The following TRPV1 variants were observed in gnomAD, a reference collection of about 807,000 sequenced individuals.
TRPV1 encodes the protein OTRPC1.
TRPV1 carries 82 observed loss-of-function variants against 82.3 expected under a neutral mutation model. That is an observed-to-expected ratio of 1.00 (90% CI 0.83 to 1.20). The LOEUF (loss-of-function observed/expected upper bound fraction) is 1.20, where lower values mean the gene tolerates loss of function less well. TRPV1 is among the 50% of genes most tolerant of loss of function. The pLI, the probability that TRPV1 is intolerant of heterozygous loss-of-function variation, is 0.00. For missense variants in TRPV1, 1,067 were observed against 1,096.8 expected (o/e 0.97, Z 0.38); for synonymous variants, 515 against 467.7 (o/e 1.10, Z -1.30).
chr17:3,570,720 G>A (rs1298461165), intron 16 of TRPV1, among the ~76,000 whole-genome samples: 3 of 151,900 alleles, frequency 2.0e-5, no homozygotes, highest in Non-Finnish European at 4.4e-5. Context: ...TTTTCTATTT[G>A]TTCTTTTTTT....
At chr17:3,578,476 C>G (rs2074963107) in intron 11 of TRPV1, 1 of 152,094 alleles carries the variant, frequency 6.6e-6, no homozygotes, top group African/African-American at 2.4e-5. Flanking sequence ...ACAGTGAAAC[C>G]CTGTCTCTAC....
intron 8 of TRPV1, 22 bp downstream of exon 8, chr17:3,588,166 T>A: frequency 6.5e-7 from 1 of 1,546,122 alleles, no homozygotes; most frequent in Non-Finnish European, 8.8e-7. Context: ...AGGCCCTCCC[T>A]GGCTGTGCCC....
At chr17:3,581,868 A>AG (rs2075018710) in intron 10 of TRPV1, among the ~76,000 whole-genome samples, 4 of 137,810 alleles carry the variant, frequency 2.9e-5, no homozygotes, top group African/African-American at 5.3e-5. Flanking sequence ...CTGGGCAACT[A>AG]AGCGAGACTC....
At chr17:3,582,157 T>C (rs224531) in intron 10 of TRPV1, among the ~76,000 whole-genome samples, 2,236 of 119,932 alleles carry the variant, frequency 0.019, 30 homozygotes, top group Middle Eastern at 0.033. Flanking sequence ...GCCACTGCAC[T>C]CCAGCCTGGG....
intron 13 of TRPV1, among the ~76,000 whole-genome samples, chr17:3,575,376 G>C (rs755772188): frequency 6.6e-6 from 1 of 152,028 alleles, no homozygotes; most frequent in South Asian, 2.1e-4. Flanking sequence ...CCAGCTACCT[G>C]GAAGGCTGAG....
intron 11 of TRPV1, among the ~76,000 whole-genome samples, chr17:3,580,219 A>G (rs2074988519): frequency 6.6e-6 from 1 of 152,192 alleles, no homozygotes; most frequent in African/African-American, 2.4e-5. Flanking sequence ...AAGGTGAACA[A>G]GGTCCGTCTC....
chr17:3,585,237 G>C (rs2075070328), intron 9 of TRPV1: 1 of 153,036 alleles, frequency 6.5e-6, no homozygotes, highest in South Asian at 2.0e-4. Flanking sequence ...CACAACCTCT[G>C]CCTCCAAGGT....
In TRPV1 at chr17:3,566,561, C is replaced by T. The variant is rs749900305; in HGVS notation, c.*254G>A. On this transcript the variant is annotated 3_prime_UTR_variant, in exon 17 of 17. Transcript: ENST00000572705. ...TCCCAGTAGAGACTGACCATCCAAA[C>T]TGTTTAGTAAAGTGAGTAAAAACCT... is the stretch of plus-strand genomic sequence containing the variant. 5.0e-6 allele frequency: 2 copies of T among 401,988 alleles called. No individual in the cohort carries two copies. Among genetic ancestry groups the T allele is most frequent in the Non-Finnish European group, 8.8e-6 (2 of 226,704 alleles). 24.9% of individuals were successfully genotyped at this position (401,988 alleles called of 1,614,324 possible).
chr17:3,583,576 G>A (rs989612137), intron 9 of TRPV1, 146 bp from the exon 10 acceptor site: 40 of 705,674 alleles, frequency 5.7e-5, no homozygotes, highest in South Asian at 4.1e-4. Flanking sequence ...GTTATTAGGG[G>A]AGCGCCCGCA....
At chr17:3,591,971 C>T in intron 3 of TRPV1, 96 bp downstream of exon 3, 1 of 1,486,298 alleles carries the variant, frequency 6.7e-7, no homozygotes, top group Admixed American at 2.3e-5. Flanking sequence ...AGCCCCCTGG[C>T]TTTGTGACAT....
intron 16 of TRPV1, among the ~76,000 whole-genome samples, chr17:3,567,796 A>C (rs2074789746): frequency 6.6e-6 from 1 of 151,866 alleles, no homozygotes; most frequent in Non-Finnish European, 1.5e-5. Flanking sequence ...AAAAGAAAAA[A>C]ATTATAAAGG....
chr17:3,573,864 G>A lies in TRPV1; in HGVS notation c.1872C>T (p.Pro624=), dbSNP rs199510793. ...HRWRGPACRP[P]DSSYNSLYST... Reference sequence around the variant, plus strand: ...AGTACAGGCTGTTGTAGGAGCTATCGGGGGGCCTGCAGGCAGGCCCCCGCC... The same window carrying A: ...AGTACAGGCTGTTGTAGGAGCTATCAGGGGGCCTGCAGGCAGGCCCCCGCC... The change falls in exon 14 of 17, where the codon CCC becomes CCT. Residue 624 remains proline, a synonymous_variant. Coordinates refer to ENST00000572705, the MANE Select transcript of TRPV1 (RefSeq NM_080704.4). 1.0e-4 allele frequency: 161 copies of A among 1,612,786 alleles called. No individual in the cohort carries two copies. The African/African-American group carries it at 1.5e-3, about 15-fold the overall frequency.
chr17:3,582,004 C>CA (rs1567664772), intron 10 of TRPV1, among the ~76,000 whole-genome samples: 17 of 145,412 alleles, frequency 1.2e-4, no homozygotes, highest in Non-Finnish European at 1.5e-5. Context: ...TCCTGGCTAA[C>CA]ACGGTGAAAC....
chr17:3,588,189 G>A lies in TRPV1; in HGVS notation c.1223C>T (p.Pro408Leu), dbSNP rs1328446165. 1.9e-6 allele frequency: 3 copies of A among 1,557,218 alleles called. No homozygotes were observed. Among genetic ancestry groups the A allele is most frequent in the Admixed American group, 1.9e-5 (1 of 51,698 alleles). ...EVIAYSSSET[P>L]NRHDMLLVEP... ...CCTGGCTGTGCCCCAGCCACTCACA[G>A]GGGTCTCGCTGCTGCTGTAGGCGAT... The change falls in exon 8 of 17, where the codon CCT becomes CTT. Residue 408 changes from proline to leucine, a missense_variant and splice_region_variant. Transcript: ENST00000572705.
intron 10 of TRPV1, among the ~76,000 whole-genome samples, chr17:3,581,516 T>A (rs224522): frequency 0.38 from 57,733 of 151,664 alleles, 13,667 homozygotes; most frequent in East Asian, 0.79. Flanking sequence ...GTTCAATGAC[T>A]GAACAATTCC....
At chr17:3,600,080 G>C (rs921154620) in intron 2 of TRPV1, among the ~76,000 whole-genome samples, 5 of 152,200 alleles carry the variant, frequency 3.3e-5, no homozygotes, top group African/African-American at 1.2e-4. Context: ...ATCTGGTCCT[G>C]TCCCTGCTTT....
At chr17:3,590,916 T>G (rs758925412) in intron 5 of TRPV1, 48 bp downstream of exon 5, 3 of 1,519,718 alleles carry the variant, frequency 2.0e-6, no homozygotes, top group Non-Finnish European at 2.6e-6. Context: ...CCCCCCTGCT[T>G]CCCGGTGCTG....
At chr17:3,600,862 T>G (rs1394470951) in intron 2 of TRPV1, among the ~76,000 whole-genome samples, 1 of 152,068 alleles carries the variant, frequency 6.6e-6, no homozygotes, top group African/African-American at 2.4e-5. Context: ...AGCCTTATCT[T>G]CTCCAGCTCC....
At chr17:3,583,529 C>T in intron 9 of TRPV1, 99 bp from the exon 10 acceptor site, 1 of 957,780 alleles carries the variant, frequency 1.0e-6, no homozygotes, top group Non-Finnish European at 1.6e-6. Context: ...CCAGGAGGCA[C>T]AGCCTCCATC....
Sources: gnomAD v4.1 joint callset for allele counts (sites outside exome capture counted in the v4.1 genomes callset) on GRCh38, gnomAD v4.1.1 for gene constraint, MANE v1.5 for transcripts, NCBI Gene and HGNC (gene_info 2026-07-23, HGNC 2026-07-21) for gene names.